The following COL19A1 variants were observed in gnomAD, a reference collection of about 807,000 sequenced individuals.
COL19A1 encodes collagen alpha-1(XIX) chain.
COL19A1 carries 159 observed loss-of-function variants against 190.2 expected under a neutral mutation model. The ratio of observed to expected loss-of-function variants is 0.84; its 90% CI spans 0.73 to 0.95. The LOEUF is 0.95. COL19A1 is among the 40% of genes least tolerant of loss of function. The probability of loss-of-function intolerance (pLI) is 0.00; values close to 1 mark genes in which losing one functional copy is unlikely to be tolerated. For synonymous variants in COL19A1, 509 were observed against 458.9 expected (o/e 1.11, Z -1.39); for missense variants, 1,418 against 1,431.9 (o/e 0.99, Z 0.16).
chr6:69,917,799 A>G (rs1771408231), intron 4 of COL19A1, among the ~76,000 whole-genome samples: 3 of 152,126 alleles, frequency 2.0e-5, no homozygotes, highest in African/African-American at 7.2e-5. Context: ...CATGAAATAT[A>G]CTAACAGTAA....
chr6:70,123,340 A>G (rs1784994369), intron 17 of COL19A1, among the ~76,000 whole-genome samples: 3 of 152,010 alleles, frequency 2.0e-5, no homozygotes, highest in African/African-American at 7.3e-5. Flanking sequence ...AGAAATAGGA[A>G]CACTTTTACA....
chr6:70,127,259 T>C (rs570976242), intron 17 of COL19A1, among the ~76,000 whole-genome samples: 1 of 152,316 alleles, frequency 6.6e-6, no homozygotes, highest in South Asian at 2.1e-4. Context: ...GTTCAGGTCA[T>C]GCAGAGATTT....
chr6:69,879,690 A>G, intron 2 of COL19A1, 32 bp downstream of exon 2: 2 of 1,587,434 alleles, frequency 1.3e-6, no homozygotes, highest in Non-Finnish European at 1.7e-6. Flanking sequence ...CTAATCACCA[A>G]ATGTTATTTA....
In COL19A1 at chr6:70,142,206, A is replaced by G. The variant is rs1786300766; in HGVS notation, c.1572+130A>G. 5 of 819,354 alleles carry G rather than the reference A, an allele frequency of 6.1e-6. No homozygotes were observed. In the East Asian group the frequency reaches 1.1e-4, roughly 18 times the overall value. 50.8% of individuals were successfully genotyped at this position (819,354 alleles called of 1,614,324 possible). A position where few individuals can be genotyped will look rare whatever the true frequency, so the allele number is the denominator to read the frequency against. ...CTCTCCAAGACTTTATCCTGTTTCCATGGTGATTTTCCCCACTGGCTGCAT... is the reference window on the plus strand; with the variant it reads ...CTCTCCAAGACTTTATCCTGTTTCCGTGGTGATTTTCCCCACTGGCTGCAT... On this transcript the variant is annotated intron_variant, in intron 22 of 50. Transcript: ENST00000620364.
intron 15 of COL19A1, among the ~76,000 whole-genome samples, chr6:70,079,483 G>T (rs1258007577): frequency 2.6e-5 from 4 of 152,146 alleles, no homozygotes; most frequent in African/African-American, 9.7e-5. Flanking sequence ...AGAACTGAAA[G>T]TAGAACCTTG....
intron 11 of COL19A1, among the ~76,000 whole-genome samples, chr6:69,972,049 T>A (rs1775458368): frequency 6.6e-6 from 1 of 152,206 alleles, no homozygotes; most frequent in Non-Finnish European, 1.5e-5. Context: ...TCCCCTTTTC[T>A]GCTTCTATTC....
At chr6:69,966,305 C>T (rs908847992) in intron 11 of COL19A1, among the ~76,000 whole-genome samples, 12 of 152,044 alleles carry the variant, frequency 7.9e-5, no homozygotes, top group Non-Finnish European at 1.5e-4. Context: ...GCCATGATGA[C>T]GATGGCGGTT....
chr6:70,077,057 A>G lies in COL19A1; in HGVS notation c.1224+8581A>G, dbSNP rs550470075. Among the ~76,000 whole-genome samples the G allele has an allele frequency of 8.5e-5, 13 of 152,354 alleles. No homozygotes were observed. In the East Asian group the frequency reaches 2.5e-3, roughly 29 times the overall value. ...AAACAGATAAATTTTCAGAAATGCAAAACATTCGGAGCATGAAACATTTTT... is the reference window on the plus strand; with the variant it reads ...AAACAGATAAATTTTCAGAAATGCAGAACATTCGGAGCATGAAACATTTTT... On this transcript the variant is annotated intron_variant, in intron 15 of 50. Coordinates refer to ENST00000620364, the MANE Select transcript of COL19A1 (RefSeq NM_001858.6).
At position 70,149,458 on chromosome 6, in the gene COL19A1, T is replaced by A. The variant is rs116926619; in HGVS notation, c.1894-246T>A. 6.8e-4 allele frequency among the ~76,000 whole-genome samples: 103 copies of A among 152,242 alleles called. No homozygotes were observed. In the East Asian group the frequency reaches 0.018, roughly 27 times the overall value. On this transcript the variant is annotated intron_variant, in intron 27 of 50. Transcript: ENST00000620364. ...CTCATGAATGTGCAGTGACAGATTATGGTAATGATATAGATGTCCCAAGTC... is the reference window on the plus strand; with the variant it reads ...CTCATGAATGTGCAGTGACAGATTAAGGTAATGATATAGATGTCCCAAGTC...
At chr6:70,040,173 A>T (rs1006875540) in intron 14 of COL19A1, among the ~76,000 whole-genome samples, 20 of 152,290 alleles carry the variant, frequency 1.3e-4, no homozygotes, top group South Asian at 6.2e-4. Flanking sequence ...AAAATCTGAT[A>T]TGTAAAACCA....
At chr6:69,966,072 T>A (rs1331440606) in intron 11 of COL19A1, among the ~76,000 whole-genome samples, 1 of 152,240 alleles carries the variant, frequency 6.6e-6, no homozygotes, top group Admixed American at 6.5e-5. Flanking sequence ...AGCAATGATT[T>A]CATCAAACTC....
chr6:70,096,452 G>C (rs1783281060), intron 15 of COL19A1, among the ~76,000 whole-genome samples: 2 of 152,082 alleles, frequency 1.3e-5, no homozygotes, highest in African/African-American at 2.4e-5. Context: ...TTTGTTGATA[G>C]TAGCCATCCT....
At chr6:70,026,923 C>G (rs920768125) in intron 12 of COL19A1, among the ~76,000 whole-genome samples, 1 of 152,164 alleles carries the variant, frequency 6.6e-6, no homozygotes, top group South Asian at 2.1e-4. Context: ...TCCTGCCACA[C>G]ATCATTGCTT....
chr6:69,921,722 A>ATATG (rs1387647150), intron 4 of COL19A1, among the ~76,000 whole-genome samples: 1 of 126,594 alleles, frequency 7.9e-6, no homozygotes, highest in Non-Finnish European at 1.7e-5. Flanking sequence ...GTAGATTCGT[A>ATATG]TATATTCGTA....
At chr6:70,043,976 C>T (rs1260910817) in intron 14 of COL19A1, among the ~76,000 whole-genome samples, 1 of 152,216 alleles carries the variant, frequency 6.6e-6, no homozygotes, top group African/African-American at 2.4e-5. Context: ...ACATTGAAAA[C>T]TCGTTGCGTG....
At chr6:70,004,207 T>A (rs780970128) in intron 11 of COL19A1, among the ~76,000 whole-genome samples, 2 of 152,216 alleles carry the variant, frequency 1.3e-5, no homozygotes, top group Non-Finnish European at 2.9e-5. Context: ...GTCCCCATTT[T>A]CTTCTGGCTT....
chr6:70,147,137 C>A lies in COL19A1; in HGVS notation c.1893+248C>A, dbSNP rs1345187862. Among the ~76,000 whole-genome samples, 3 of 152,064 alleles carry A rather than the reference C, an allele frequency of 2.0e-5. No individual in the cohort carries two copies. The East Asian group carries it at 5.8e-4, about 29-fold the overall frequency. ...TTTGGATTAGAAGCAGTCATTTAAC[C>A]CTTATACCTCTATTCTATATATTAA... On this transcript the variant is annotated intron_variant, in intron 27 of 50. Transcript: ENST00000620364.
intron 4 of COL19A1, among the ~76,000 whole-genome samples, chr6:69,921,469 T>TCATATA (rs1491230202): frequency 8.2e-5 from 9 of 110,120 alleles, no homozygotes; most frequent in African/African-American, 3.8e-4. Flanking sequence ...ATCATATATA[T>TCATATA]TCATATATTC....
At chr6:69,934,349 G>A (rs1334250110) in intron 7 of COL19A1, among the ~76,000 whole-genome samples, 2 of 151,888 alleles carry the variant, frequency 1.3e-5, no homozygotes, top group South Asian at 2.1e-4. Flanking sequence ...TCTTAAAGAT[G>A]TTAATTCCCC....
Sources: gnomAD v4.1 joint callset for allele counts (sites outside exome capture counted in the v4.1 genomes callset) on GRCh38, gnomAD v4.1.1 for gene constraint, MANE v1.5 for transcripts, NCBI Gene and HGNC (gene_info 2026-07-23, HGNC 2026-07-21) for gene names.